Variants in PHRF1 observed in about 807,000 individuals in gnomAD.
PHRF1 encodes PHD and ring finger domains 1, also known as PHD and RING finger domain-containing protein 1.
PHRF1 carries 53 observed loss-of-function variants against 128.9 expected under a neutral mutation model. The ratio of observed to expected loss-of-function variants is 0.41; its 90% CI spans 0.33 to 0.52. PHRF1 has a LOEUF of 0.52. Ranked by LOEUF, PHRF1 falls within the 20% of genes least tolerant of loss-of-function variation. The pLI is 0.21. For synonymous variants in PHRF1, 1,178 were observed against 980.6 expected (o/e 1.20, Z -3.76); for missense variants, 2,503 against 2,284.5 (o/e 1.10, Z -1.95).
chr11:577,008 G>T (rs1853897297), intron 1 of PHRF1, among the ~76,000 whole-genome samples: 1 of 152,184 alleles, frequency 6.6e-6, no homozygotes, highest in African/African-American at 2.4e-5. Flanking sequence ...CCACGCCCAT[G>T]CCCCCTGCGA....
chr11:580,751 C>T (rs1261396175), intron 1 of PHRF1, among the ~76,000 whole-genome samples: 4 of 152,160 alleles, frequency 2.6e-5, no homozygotes, highest in African/African-American at 7.2e-5. Flanking sequence ...TGCAGTGGCG[C>T]GATCTCGGCT....
intron 6 of PHRF1, among the ~76,000 whole-genome samples, chr11:595,544 G>A (rs544965137): frequency 6.6e-6 from 1 of 152,358 alleles, no homozygotes; most frequent in Non-Finnish European, 1.5e-5. Context: ...AGCCATGGGT[G>A]CCTGCACCGT....
rs773471082 is a variant in PHRF1 at position 609,165 on chromosome 11, A to G, written c.3709A>G (p.Lys1237Glu). The G allele has an allele frequency of 1.6e-5, 26 of 1,606,206 alleles. No homozygotes were observed. Among genetic ancestry groups the G allele is most frequent in the Admixed American group, 8.3e-5 (5 of 59,982 alleles). ...HVSPEVATADKAPLQAPPVLE... is the reference protein window; with the variant it reads ...HVSPEVATADEAPLQAPPVLE... ...CTCGCCGGAGGTGGCTACGGCCGAC[A>G]AGGCCCCCCTGCAGGCTCCCCCTGT... is the stretch of plus-strand genomic sequence containing the variant. Residue 1237 changes from lysine (K) to glutamate (E), a missense_variant, in exon 14 of 18, where the codon AAG (lysine) becomes GAG (glutamate). Lys to Glu is a moderately conservative substitution (Grantham distance 56). Coordinates refer to ENST00000264555, the MANE Select transcript of PHRF1 (RefSeq NM_001286581.2).
chr11:589,111 G>C (rs535451477), intron 4 of PHRF1, among the ~76,000 whole-genome samples: 1 of 151,832 alleles, frequency 6.6e-6, no homozygotes, highest in South Asian at 2.1e-4. Flanking sequence ...ACTCCAGCCC[G>C]GCGACAGAGC....
At position 581,963 on chromosome 11, in the gene PHRF1, A is replaced by G. The variant is rs1389241392; in HGVS notation, c.96A>G (p.Glu32=). 1 of 1,595,286 alleles carries G rather than the reference A, an allele frequency of 6.3e-7. No homozygotes were observed. The highest frequency in any genetic ancestry group is 8.5e-7 in the Non-Finnish European group (1 of 1,171,396). Residue 32 remains glutamate, a splice_region_variant and synonymous_variant, in exon 3 of 18, where the codon GAA becomes GAG. Coordinates refer to ENST00000264555, the MANE Select transcript of PHRF1 (RefSeq NM_001286581.2). ...CCTGTGTCTCACCCTGGTGTCTAGA[A>G]GAAAGCAGCGTGGGCAGCAGTGGGG... ...VGPADPAGDF[E]ESSVGSSGDS... is the part of the protein sequence containing the mutation.
rs182571688 is a variant in PHRF1, at chr11:605,209, G to T, written c.1243G>T (p.Val415Leu). The change falls in exon 11 of 18, where the codon GTG becomes TTG. Residue 415 changes from valine (V) to leucine (L), a missense_variant. By Grantham distance (32) the Val-to-Leu change is conservative. Transcript: ENST00000264555. Reference sequence around the variant, plus strand: ...CTGCATCCCGTCAGTGTTGAAGCCAGTGGAGCCCTCTTTGGGGCTGCTGAG... The same window carrying T: ...CTGCATCCCGTCAGTGTTGAAGCCATTGGAGCCCTCTTTGGGGCTGCTGAG... ...SSCIPSVLKP[V>L]EPSLGLLRAD... is the part of the protein sequence containing the mutation. 5.5e-5 allele frequency: 88 copies of T among 1,613,608 alleles called. No homozygotes were observed. The East Asian group carries it at 1.9e-3, about 36-fold the overall frequency.
At chr11:586,633 G>A (rs1288493952) in intron 3 of PHRF1, among the ~76,000 whole-genome samples, 1 of 152,190 alleles carries the variant, frequency 6.6e-6, no homozygotes, top group Non-Finnish European at 1.5e-5. Flanking sequence ...GTGCACGTAT[G>A]GGCTCTGCCG....
chr11:607,506 A>C lies in PHRF1; in HGVS notation c.2050A>C (p.Lys684Gln). ...CATCTCTGAGCTACCCAGGATACCA[A>C]AGATCAGGAGAGATGACGGTGGTGG... ...TDISELPRIPKIRRDDGGGRR... is the reference protein window; with the variant it reads ...TDISELPRIPQIRRDDGGGRR... The change falls in exon 14 of 18, where the codon AAG becomes CAG. Residue 684 changes from lysine (K) to glutamine (Q), a missense_variant. By Grantham distance (53) the Lys-to-Gln change is moderately conservative. Coordinates refer to ENST00000264555, the MANE Select transcript of PHRF1 (RefSeq NM_001286581.2). 2 of 1,612,774 alleles carry C rather than the reference A, an allele frequency of 1.2e-6. No individual in the cohort carries two copies. Among genetic ancestry groups the C allele is most frequent in the Middle Eastern group, 1.6e-4 (1 of 6,062 alleles).
rs1856149208 is a variant in PHRF1 at position 608,897 on chromosome 11, C to T, written c.3441C>T (p.Asp1147=). Residue 1147 remains aspartate (D), a synonymous_variant, in exon 14 of 18, where the codon GAC becomes GAT. Coordinates refer to ENST00000264555, the MANE Select transcript of PHRF1 (RefSeq NM_001286581.2). ...GGGAACGCAGCCACGAGCGGCCAGA[C>T]AGGAAGGAGAGTGTGGCGTGGCCCC... ...HQRERSHERP[D]RKESVAWPRD... 1.2e-5 allele frequency: 19 copies of T among 1,612,176 alleles called. No homozygotes were observed. The highest frequency in any genetic ancestry group is 2.2e-5 in the East Asian group (1 of 44,872).
At chr11:606,985 C>G (rs1855987165) in intron 13 of PHRF1, 81 bp from the exon 14 acceptor site, 3 of 1,510,714 alleles carry the variant, frequency 2.0e-6, no homozygotes, top group Non-Finnish European at 2.7e-6. Flanking sequence ...TCACAGAAAA[C>G]CAGTTGTGAT....
At chr11:610,795 C>G in intron 16 of PHRF1, 34 bp downstream of exon 16, 2 of 1,591,986 alleles carry the variant, frequency 1.3e-6, no homozygotes, top group Non-Finnish European at 1.7e-6. Flanking sequence ...TCCCCATGTT[C>G]CCATCTTACT....
At chr11:594,097 C>T (rs1209930960) in intron 6 of PHRF1, among the ~76,000 whole-genome samples, 1 of 152,066 alleles carries the variant, frequency 6.6e-6, no homozygotes, top group African/African-American at 2.4e-5. Context: ...TGAATATATG[C>T]AGAATGCTTA....
chr11:607,353 A>G lies in PHRF1; in HGVS notation c.1897A>G (p.Asn633Asp). ...GFRQSHSPWF[N>D]GTNKHTLPLA... is the part of the protein sequence containing the mutation. Reference sequence around the variant, plus strand: ...CAGACAGAGCCACAGCCCCTGGTTCAACGGCACCAACAAGCACACCTTGCC... The same window carrying G: ...CAGACAGAGCCACAGCCCCTGGTTCGACGGCACCAACAAGCACACCTTGCC... The change falls in exon 14 of 18, where the codon AAC (asparagine) becomes GAC (aspartate). Residue 633 changes from asparagine (N) to aspartate (D), a missense_variant. By Grantham distance (23) the Asn-to-Asp change is conservative. Coordinates refer to ENST00000264555, the MANE Select transcript of PHRF1 (RefSeq NM_001286581.2). The G allele has an allele frequency of 6.2e-7, 1 of 1,612,764 alleles. No homozygotes were observed. Among genetic ancestry groups the G allele is most frequent in the Non-Finnish European group, 8.5e-7 (1 of 1,179,886 alleles).
intron 4 of PHRF1, among the ~76,000 whole-genome samples, chr11:588,385 T>TG (rs1268471263): frequency 6.6e-6 from 1 of 152,068 alleles, no homozygotes; most frequent in Non-Finnish European, 1.5e-5. Flanking sequence ...TTCTTTTTTT[T>TG]TTTGTTTTTT....
chr11:579,815 A>G (rs1383357596), intron 1 of PHRF1, among the ~76,000 whole-genome samples: 2 of 152,226 alleles, frequency 1.3e-5, no homozygotes, highest in African/African-American at 4.8e-5. Context: ...TGGAGTTGAC[A>G]TTCTTCACTG....
chr11:585,208 T>A (rs1160894675), intron 3 of PHRF1, among the ~76,000 whole-genome samples: 2 of 151,786 alleles, frequency 1.3e-5, no homozygotes, highest in South Asian at 2.1e-4. Context: ...CTTGTTACAC[T>A]GCCCTTTCCA....
chr11:582,861 C>T (rs1476027990), intron 3 of PHRF1, among the ~76,000 whole-genome samples: 1 of 151,752 alleles, frequency 6.6e-6, no homozygotes, highest in East Asian at 2.0e-4. Flanking sequence ...AGTGAAACCC[C>T]CTCTCTACTA....
At chr11:606,850 C>G (rs184181499) in intron 13 of PHRF1, 1 of 903,654 alleles carries the variant, frequency 1.1e-6, no homozygotes, top group Non-Finnish European at 1.6e-6. Flanking sequence ...TGGTTAATAT[C>G]GTGTCCTGAT....
chr11:612,051 T>C lies in PHRF1; in HGVS notation c.*274T>C. The C allele has an allele frequency of 2.0e-6, 1 of 500,242 alleles. No individual in the cohort carries two copies. Among genetic ancestry groups the C allele is most frequent in the East Asian group, 3.4e-5 (1 of 29,248 alleles). The allele number at this position is 500,242 out of a possible 1,614,324, so 31.0% of individuals were successfully genotyped here. ...ATTCTAATTTATCAAAAATGGATTATCTTTAGAAACCTCTTGATTGACTTA... is the reference window on the plus strand; with the variant it reads ...ATTCTAATTTATCAAAAATGGATTACCTTTAGAAACCTCTTGATTGACTTA... On this transcript the variant is annotated 3_prime_UTR_variant, in exon 18 of 18. Transcript: ENST00000264555.
Sources: gnomAD v4.1 joint callset for allele counts (sites outside exome capture counted in the v4.1 genomes callset) on GRCh38, gnomAD v4.1.1 for gene constraint, MANE v1.5 for transcripts, NCBI Gene and HGNC (gene_info 2026-07-23, HGNC 2026-07-21) for gene names.